TGS1: variants seen among roughly 807,000 people sequenced by gnomAD.
TGS1 encodes trimethylguanosine synthase.
A neutral mutation model predicts 92.2 loss-of-function variants in TGS1; 69 were observed. The observed-to-expected ratio is 0.75, with a 90% confidence interval of 0.62 to 0.91. TGS1 has a LOEUF of 0.91. Among genes scored for constraint, TGS1 ranks in the 40% least tolerant of loss-of-function variants. TGS1 has a pLI of 0.00. For missense variants in TGS1, 1,062 were observed against 1,001.2 expected, an observed-to-expected ratio of 1.06 and a Z score of -0.82; for synonymous variants, 345 against 338.1, an observed-to-expected ratio of 1.02 and a Z score of -0.22.
rs978012584 is a variant in TGS1, at chr8:55,825,417, A to G, written c.*714A>G. The G allele has an allele frequency of 6.6e-6, 1 of 152,012 alleles. No individual in the cohort carries two copies. The highest frequency in any genetic ancestry group is 2.4e-5 in the African/African-American group (1 of 41,380). 9.4% of individuals were successfully genotyped at this position (152,012 alleles called of 1,614,324 possible). On this transcript the variant is annotated 3_prime_UTR_variant, in exon 13 of 13. Coordinates refer to ENST00000260129, the MANE Select transcript of TGS1 (RefSeq NM_024831.8). ...TATATTTTGTAATATAGGAGTTTCT[A>G]TTTTTTTATTAAAATGGCAATGAAA...
chr8:55,802,309 T>G, intron 8 of TGS1, 148 bp from the exon 9 acceptor site: 1 of 611,530 alleles, frequency 1.6e-6, no homozygotes, highest in East Asian at 2.8e-5. Flanking sequence ...CAGTGGCGTT[T>G]CCATCAGGCT....
At chr8:55,816,864 AT>A (rs879734465) in intron 12 of TGS1, among the ~76,000 whole-genome samples, 37 of 147,362 alleles carry the variant, frequency 2.5e-4, no homozygotes, top group East Asian at 1.4e-3. Flanking sequence ...TATTTTATTT[AT>A]TTTTTTTTTT....
At chr8:55,795,089 TA>T (rs1398403027) in intron 6 of TGS1, among the ~76,000 whole-genome samples, 1 of 152,216 alleles carries the variant, frequency 6.6e-6, no homozygotes, top group Non-Finnish European at 1.5e-5. Flanking sequence ...GCTAAGATCA[TA>T]AAGTTTAGCA....
rs1563476068 is a variant in TGS1 at position 55,826,262 on chromosome 8, C to CT, written c.*1562dup. Among the ~76,000 whole-genome samples the CT allele has an allele frequency of 6.6e-6, 1 of 152,110 alleles. No individual in the cohort carries two copies. Among genetic ancestry groups the CT allele is most frequent in the African/African-American group, 2.4e-5 (1 of 41,406 alleles). On this transcript the variant is annotated 3_prime_UTR_variant, in exon 13 of 13. Transcript: ENST00000260129. ...CACTTAACCTTTCTTGCATATACTTCTTTCCACAGCTCATTTTCTTACTTG... is the reference window on the plus strand; with the variant it reads ...CACTTAACCTTTCTTGCATATACTTCTTTTCCACAGCTCATTTTCTTACTTG...
At chr8:55,782,508 A>T (rs1321673836) in intron 1 of TGS1, among the ~76,000 whole-genome samples, 2 of 152,210 alleles carry the variant, frequency 1.3e-5, no homozygotes, top group Non-Finnish European at 2.9e-5. Context: ...AGTTATAGTA[A>T]TAAATGCTAC....
rs1803325138 is a variant in TGS1 at position 55,811,025 on chromosome 8, G to T, written c.2288G>T (p.Ser763Ile). 1.2e-6 allele frequency: 2 copies of T among 1,614,080 alleles called. No individual in the cohort carries two copies. The highest frequency in any genetic ancestry group is 1.7e-6 in the Non-Finnish European group (2 of 1,180,050). ...SFLKADVVFL[S>I]PPWGGPDYAT... ...TTAAAGGCTGATGTTGTGTTCCTCAGCCCACCTTGGGGAGGGCCAGACTAT... is the reference window on the plus strand; with the variant it reads ...TTAAAGGCTGATGTTGTGTTCCTCATCCCACCTTGGGGAGGGCCAGACTAT... The change falls in exon 11 of 13, where the codon AGC becomes ATC. Residue 763 changes from serine to isoleucine, a missense_variant. By Grantham distance (142) the Ser-to-Ile change is moderately radical. Coordinates refer to ENST00000260129, the MANE Select transcript of TGS1 (RefSeq NM_024831.8).
At chr8:55,811,185 GGGCA>G in intron 11 of TGS1, 88 bp downstream of exon 11, 1 of 743,324 alleles carries the variant, frequency 1.3e-6, no homozygotes, top group South Asian at 1.8e-5. Context: ...GTGGGTGGGT[GGGCA>G]GGGTGGCTCA....
intron 6 of TGS1, among the ~76,000 whole-genome samples, chr8:55,795,290 T>C (rs909068399): frequency 1.3e-5 from 2 of 152,154 alleles, no homozygotes; most frequent in African/African-American, 2.4e-5. Flanking sequence ...GGATAAAATA[T>C]CCTGTTTATT....
intron 5 of TGS1, among the ~76,000 whole-genome samples, chr8:55,791,118 T>G (rs1157347473): frequency 1.3e-5 from 2 of 152,188 alleles, no homozygotes; most frequent in African/African-American, 4.8e-5. Flanking sequence ...AGTACCTTGC[T>G]CAGTTTTCTT....
intron 1 of TGS1, among the ~76,000 whole-genome samples, chr8:55,774,838 T>G (rs886227041): frequency 1.3e-5 from 2 of 152,178 alleles, no homozygotes; most frequent in Non-Finnish European, 2.9e-5. Context: ...GAAGTAGCTT[T>G]TGGAAAGAGG....
rs567590887 is a variant in TGS1, at chr8:55,825,476, T to C, written c.*773T>C. 1 of 152,340 alleles carries C rather than the reference T, an allele frequency of 6.6e-6. No individual in the cohort carries two copies. The highest frequency in any genetic ancestry group is 1.5e-5 in the Non-Finnish European group (1 of 68,030). The allele number at this position is 152,340 out of a possible 1,614,324, so 9.4% of individuals were successfully genotyped here. ...GATATGTGTTGCTTAATTATTCATC[T>C]AAAAAGTTTGTTCAGTCATTTTTAC... On this transcript the variant is annotated 3_prime_UTR_variant, in exon 13 of 13. Transcript: ENST00000260129.
chr8:55,824,064 C>T (rs1037973168), intron 12 of TGS1, among the ~76,000 whole-genome samples: 2 of 151,898 alleles, frequency 1.3e-5, no homozygotes, highest in East Asian at 1.9e-4. Context: ...TGCAGTGAGC[C>T]GAGATCGTGC....
intron 12 of TGS1, among the ~76,000 whole-genome samples, chr8:55,821,750 G>A (rs886086314): frequency 8.6e-5 from 13 of 151,830 alleles, no homozygotes; most frequent in African/African-American, 2.4e-4. Context: ...GCGGGCGCCT[G>A]TAGTCCCAGC....
intron 9 of TGS1, 28 bp downstream of exon 9, chr8:55,802,634 T>C (rs1422937976): frequency 5.1e-6 from 8 of 1,573,896 alleles, no homozygotes; most frequent in Non-Finnish European, 6.0e-6. Context: ...TTTTTAGCTT[T>C]ATTTTGAAAC....
At chr8:55,784,168 A>G (rs1043063610) in intron 2 of TGS1, among the ~76,000 whole-genome samples, 1 of 152,154 alleles carries the variant, frequency 6.6e-6, no homozygotes, top group African/African-American at 2.4e-5. Flanking sequence ...ACATAAAATG[A>G]TTTTTTGTTA....
rs1246707409 is a variant in TGS1 at position 55,786,310 on chromosome 8, G to T, written c.412G>T (p.Val138Leu). The T allele has an allele frequency of 3.1e-6, 5 of 1,589,890 alleles. No homozygotes were observed. The Admixed American group carries it at 5.2e-5, about 17-fold the overall frequency. ...KHQKKYLDEI[V>L]QESWRKEYEE... ...TCAAAAGAAATACTTAGATGAAATT[G>T]TGCAAGAATCTTGGAGAAAAGAATA... Residue 138 changes from valine to leucine, a missense_variant, in exon 4 of 13, where the codon GTG becomes TTG. Physicochemically the swap from Val to Leu is conservative, Grantham distance 32. Coordinates refer to ENST00000260129, the MANE Select transcript of TGS1 (RefSeq NM_024831.8).
At chr8:55,782,445 G>A (rs756493495) in intron 1 of TGS1, among the ~76,000 whole-genome samples, 8 of 152,168 alleles carry the variant, frequency 5.3e-5, no homozygotes, top group Non-Finnish European at 1.0e-4. Flanking sequence ...CTCCCAAAGT[G>A]CTGGGATTAC....
chr8:55,780,100 A>G (rs1281241088), intron 1 of TGS1, among the ~76,000 whole-genome samples: 2 of 148,426 alleles, frequency 1.3e-5, no homozygotes. Context: ...CAAGTGAGCC[A>G]CCCACCTCAG....
At chr8:55,783,384 A>G (rs909186834) in intron 2 of TGS1, among the ~76,000 whole-genome samples, 3 of 152,270 alleles carry the variant, frequency 2.0e-5, no homozygotes, top group Middle Eastern at 6.8e-3. Context: ...GTGCCACTGC[A>G]CTCCAGCCTG....
Sources: gnomAD v4.1 joint callset for allele counts (sites outside exome capture counted in the v4.1 genomes callset) on GRCh38, gnomAD v4.1.1 for gene constraint, MANE v1.5 for transcripts, NCBI Gene and HGNC (gene_info 2026-07-23, HGNC 2026-07-21) for gene names.